ATG10: variants seen among roughly 807,000 people sequenced by gnomAD.
The protein encoded by ATG10 is autophagy related 10.
ATG10 carries 30 observed loss-of-function variants against 32.1 expected under a neutral mutation model. The observed-to-expected ratio is 0.94, with a 90% confidence interval of 0.70 to 1.27. ATG10 has a LOEUF of 1.27. Among genes scored for constraint, ATG10 ranks in the 50% most tolerant of loss-of-function variants. The pLI, the probability that ATG10 is intolerant of heterozygous loss-of-function variation, is 0.00. For synonymous variants in ATG10, 87 were observed against 91.5 expected (o/e 0.95, Z 0.28); for missense variants, 233 against 262.3 (o/e 0.89, Z 0.77).
At chr5:82,196,328 G>C (rs1432505805) in intron 5 of ATG10, among the ~76,000 whole-genome samples, 3 of 151,928 alleles carry the variant, frequency 2.0e-5, no homozygotes, top group Non-Finnish European at 4.4e-5. Flanking sequence ...CCATTCCATT[G>C]GTTGTCTTTT....
intron 2 of ATG10, among the ~76,000 whole-genome samples, chr5:82,010,733 T>A (rs184246083): frequency 9.5e-4 from 144 of 152,346 alleles, no homozygotes; most frequent in Non-Finnish European, 1.6e-3. Flanking sequence ...GTGCTTTCCA[T>A]GTCATCTGAT....
In ATG10 at chr5:82,006,935, C is replaced by T. The variant is rs547006445; in HGVS notation, c.108+19257C>T. Among the ~76,000 whole-genome samples, 21 of 152,250 alleles carry T rather than the reference C, an allele frequency of 1.4e-4. No individual in the cohort carries two copies. In the South Asian group the frequency reaches 4.4e-3, roughly 32 times the overall value. ...GTGGCATGATCTCGGCTCACTGCAA[C>T]CTCTGCCTCCTAGGTTCAAGTGATT... On this transcript the variant is annotated intron_variant, in intron 2 of 7. Coordinates refer to ENST00000282185, the MANE Select transcript of ATG10 (RefSeq NM_031482.5).
chr5:82,113,867 A>G (rs867452279), intron 3 of ATG10, among the ~76,000 whole-genome samples: 1 of 151,622 alleles, frequency 6.6e-6, no homozygotes, highest in Admixed American at 6.6e-5. Flanking sequence ...GGTTTATGAG[A>G]TTTTTTATTT....
chr5:82,178,563 AC>A lies in ATG10; in HGVS notation c.431del (p.Pro144HisfsTer29). 6.2e-7 allele frequency: 1 copy of A among 1,610,310 alleles called. No individual in the cohort carries two copies. Among genetic ancestry groups the A allele is most frequent in the Non-Finnish European group, 8.5e-7 (1 of 1,176,852 alleles). On this transcript the variant is annotated frameshift_variant, in exon 5 of 8. Transcript: ENST00000282185. LOFTEE classifies it high-confidence loss of function. ...GCTATAAGATGCGACTGCTACAGGGACCATGGGACACTATTACGCAACAGGT... is the reference window on the plus strand; with the variant it reads ...GCTATAAGATGCGACTGCTACAGGGACATGGGACACTATTACGCAACAGGT... ...ECYKMRLLQG[P>X]WDTITQQEHP...
intron 5 of ATG10, among the ~76,000 whole-genome samples, chr5:82,237,950 C>T (rs534420673): frequency 6.6e-6 from 1 of 152,256 alleles, no homozygotes; most frequent in South Asian, 2.1e-4. Context: ...AGAAAGCATA[C>T]GATTGAAGCC....
chr5:82,124,411 T>C (rs553925607), intron 3 of ATG10, among the ~76,000 whole-genome samples: 2 of 151,744 alleles, frequency 1.3e-5, no homozygotes, highest in South Asian at 4.2e-4. Context: ...CAACCCATCA[T>C]CTACATTAGG....
intron 3 of ATG10, among the ~76,000 whole-genome samples, chr5:82,070,096 A>G (rs1288596342): frequency 1.3e-5 from 2 of 152,312 alleles, no homozygotes; most frequent in East Asian, 1.9e-4. Context: ...GCCTTAGGAT[A>G]GAGATTACAT....
chr5:82,017,642 C>T (rs1762325958), intron 2 of ATG10, among the ~76,000 whole-genome samples: 1 of 152,058 alleles, frequency 6.6e-6, no homozygotes, highest in South Asian at 2.1e-4. Context: ...AAATGCTTAA[C>T]AAAAACTATT....
intron 3 of ATG10, among the ~76,000 whole-genome samples, chr5:82,140,004 C>G (rs1454317027): frequency 3.1e-5 from 4 of 130,506 alleles, no homozygotes; most frequent in Admixed American, 7.1e-5. Context: ...TCTGCCCGGC[C>G]GCCCCTACTG....
chr5:81,990,857 T>C (rs200554625), intron 2 of ATG10, among the ~76,000 whole-genome samples: 2 of 152,234 alleles, frequency 1.3e-5, no homozygotes, highest in East Asian at 3.8e-4. Flanking sequence ...CTTTTGATAT[T>C]TTGAGAAAGG....
chr5:82,020,662 G>A (rs980206460), intron 2 of ATG10, among the ~76,000 whole-genome samples: 1 of 152,124 alleles, frequency 6.6e-6, no homozygotes, highest in African/African-American at 2.4e-5. Context: ...GGATGATTCT[G>A]CTTGGTTCCA....
At chr5:82,197,941 A>C (rs1744929686) in intron 5 of ATG10, among the ~76,000 whole-genome samples, 1 of 152,152 alleles carries the variant, frequency 6.6e-6, no homozygotes, top group Non-Finnish European at 1.5e-5. Flanking sequence ...TGTTTTCCTC[A>C]ATTCCTGGCT....
chr5:82,014,656 G>A (rs1762228195), intron 2 of ATG10, among the ~76,000 whole-genome samples: 1 of 151,974 alleles, frequency 6.6e-6, no homozygotes, highest in Non-Finnish European at 1.5e-5. Flanking sequence ...TGCAATCCCT[G>A]CCTGTTTTTG....
intron 2 of ATG10, among the ~76,000 whole-genome samples, chr5:81,999,837 A>G (rs1761798855): frequency 6.6e-6 from 1 of 152,196 alleles, no homozygotes; most frequent in Non-Finnish European, 1.5e-5. Context: ...CTGAACCAGG[A>G]AGAAATTGAA....
At chr5:82,189,658 C>A (rs1016298419) in intron 5 of ATG10, among the ~76,000 whole-genome samples, 7 of 152,146 alleles carry the variant, frequency 4.6e-5, no homozygotes, top group Admixed American at 3.9e-4. Flanking sequence ...GGGTCTCACT[C>A]TGTTGTGGAG....
intron 3 of ATG10, among the ~76,000 whole-genome samples, chr5:82,066,663 T>C (rs1049904833): frequency 6.6e-6 from 1 of 152,108 alleles, no homozygotes; most frequent in Admixed American, 6.5e-5. Flanking sequence ...ATGATCTCAA[T>C]TGCCAAGGAA....
rs534970793 is a variant in ATG10 at position 82,096,750 on chromosome 5, CCAACAT to C, written c.216+38151_216+38156del. On this transcript the variant is annotated intron_variant, in intron 3 of 7. Transcript: ENST00000282185. ...ATCCTAAAGCGAAAGTTTCTATGAA[CCAACAT>C]CATGTAGACTAATGCCCTTGCTTAA... is the stretch of plus-strand genomic sequence containing the variant. 1.4e-4 allele frequency among the ~76,000 whole-genome samples: 21 copies of C among 152,202 alleles called. 1 individual carries two copies. In the East Asian group the frequency reaches 4.1e-3, roughly 29 times the overall value.
intron 5 of ATG10, among the ~76,000 whole-genome samples, chr5:82,238,886 G>A (rs1746676770): frequency 6.6e-6 from 1 of 152,116 alleles, no homozygotes. Context: ...GTGGCAAGGA[G>A]TAGGCAAACT....
At chr5:81,983,488 G>A (rs954194788) in intron 1 of ATG10, among the ~76,000 whole-genome samples, 1 of 145,402 alleles carries the variant, frequency 6.9e-6, no homozygotes, top group East Asian at 2.1e-4. Flanking sequence ...CCTCCCGGAC[G>A]GGGCAGCTGG....
Sources: gnomAD v4.1 joint callset for allele counts (sites outside exome capture counted in the v4.1 genomes callset) on GRCh38, gnomAD v4.1.1 for gene constraint, MANE v1.5 for transcripts, NCBI Gene and HGNC (gene_info 2026-07-23, HGNC 2026-07-21) for gene names.